CEP89: variants seen among roughly 807,000 people sequenced by gnomAD.
CEP89 encodes centrosomal protein 89.
Under a neutral mutation model 97.6 loss-of-function variants are expected in CEP89, and 95 were observed. The ratio of observed to expected loss-of-function variants is 0.97; its 90% CI spans 0.82 to 1.15. The LOEUF (loss-of-function observed/expected upper bound fraction) is 1.15. CEP89 is among the 50% of genes most tolerant of loss of function. The pLI is 0.00. For missense variants in CEP89, 869 were observed against 947.7 expected (o/e 0.92, Z 1.09); for synonymous variants, 354 against 349.1 (o/e 1.01, Z -0.16).
intron 10 of CEP89, 83 bp downstream of exon 10, chr19:32,926,851 C>A: frequency 8.2e-7 from 1 of 1,220,316 alleles, no homozygotes; most frequent in South Asian, 1.3e-5. Flanking sequence ...CATGAGCCAC[C>A]GCGCCTGGCC....
chr19:32,922,966 C>A (rs1021828891), intron 12 of CEP89, among the ~76,000 whole-genome samples: 13 of 152,160 alleles, frequency 8.5e-5, no homozygotes, highest in Admixed American at 8.5e-4. Flanking sequence ...GCAGAAGGGG[C>A]TTTCGGAGGA....
In CEP89 at chr19:32,933,592, C is replaced by A. The variant is rs1207022593; in HGVS notation, c.745G>T (p.Asp249Tyr). 1 of 1,612,910 alleles carries A rather than the reference C, an allele frequency of 6.2e-7. No individual in the cohort carries two copies. The highest frequency in any genetic ancestry group is 8.5e-7 in the Non-Finnish European group (1 of 1,179,036). The change falls in exon 8 of 19, where the codon GAC (aspartate) becomes TAC (tyrosine). Residue 249 changes from aspartate to tyrosine, a missense_variant. Physicochemically the swap from Asp to Tyr is radical, Grantham distance 160. Coordinates refer to ENST00000305768, the MANE Select transcript of CEP89 (RefSeq NM_032816.5). ...KFEALKEENM[D>Y]LNNMNQSLTL... ...AGGCTTTGATTCATATTGTTTAGGT[C>A]CATATTTTCTTCTTTTAATGCCTCA...
chr19:32,928,511 A>T (rs1179283845), intron 9 of CEP89, among the ~76,000 whole-genome samples: 2 of 152,006 alleles, frequency 1.3e-5, no homozygotes, highest in Non-Finnish European at 2.9e-5. Context: ...CATACATCTC[A>T]GGCACGGCCC....
Position 32,881,880 on chromosome 19 carries a change from T to C in CEP89, c.2099A>G (p.Lys700Arg). 6.2e-7 allele frequency: 1 copy of C among 1,606,312 alleles called. No homozygotes were observed. The highest frequency in any genetic ancestry group is 2.2e-5 in the East Asian group (1 of 44,842). The change falls in exon 18 of 19, where the codon AAG becomes AGG. Residue 700 changes from lysine (K) to arginine (R), a missense_variant. By Grantham distance (26) the Lys-to-Arg change is conservative. Coordinates refer to ENST00000305768, the MANE Select transcript of CEP89 (RefSeq NM_032816.5). Reference sequence around the variant, plus strand: ...CAGCGCCTGGTCCAGCACCTCCTGCTTGTCCTTCAGCACCTGGTGCAGGTG... The same window carrying C: ...CAGCGCCTGGTCCAGCACCTCCTGCCTGTCCTTCAGCACCTGGTGCAGGTG... ...MRHLHQVLKDKQEVLDQALQQ... is the reference protein window; with the variant it reads ...MRHLHQVLKDRQEVLDQALQQ...
rs553504602 is a variant in CEP89 at position 32,931,316 on chromosome 19, G to C, written c.1029+113C>G. On this transcript the variant is annotated intron_variant, in intron 9 of 18. Coordinates refer to ENST00000305768, the MANE Select transcript of CEP89 (RefSeq NM_032816.5). ...CCTTAGAAACATTGTGCCTTGGACAGAGCTTTTCTTACATCAAATTATAAT... is the reference window on the plus strand; with the variant it reads ...CCTTAGAAACATTGTGCCTTGGACACAGCTTTTCTTACATCAAATTATAAT... 10 of 977,744 alleles carry C rather than the reference G, an allele frequency of 1.0e-5. No homozygotes were observed. The Admixed American group carries it at 2.1e-4, about 21-fold the overall frequency. 60.6% of individuals were successfully genotyped at this position (977,744 alleles called of 1,614,324 possible). A position where few individuals can be genotyped will look rare whatever the true frequency, so the allele number is the denominator to read the frequency against.
chr19:32,918,266 GCTGAAT>G lies in CEP89; in HGVS notation c.1336_1341del (p.Ile446_Gln447del). On this transcript the variant is annotated inframe_deletion, in exon 13 of 19. Transcript: ENST00000305768. ...TGGTGGCTGTCCTTGGCTTTCCTTT[GCTGAAT>G]CTCCAACTGCTCCAGCAACAACTTG... The G allele has an allele frequency of 6.2e-7, 1 of 1,614,150 alleles. No homozygotes were observed. Among genetic ancestry groups the G allele is most frequent in the Non-Finnish European group, 8.5e-7 (1 of 1,180,030 alleles).
intron 16 of CEP89, among the ~76,000 whole-genome samples, chr19:32,896,635 A>C (rs1969647654): frequency 6.6e-6 from 1 of 152,192 alleles, no homozygotes; most frequent in South Asian, 2.1e-4. Flanking sequence ...TAAACTAAAA[A>C]GCTTCTGTAC....
intron 3 of CEP89, among the ~76,000 whole-genome samples, chr19:32,956,923 C>T (rs1024355057): frequency 1.3e-5 from 2 of 152,030 alleles, no homozygotes; most frequent in African/African-American, 4.8e-5. Context: ...AGAGTATAGT[C>T]CTTCATTCAT....
intron 16 of CEP89, among the ~76,000 whole-genome samples, chr19:32,895,150 A>G (rs1290414992): frequency 6.6e-6 from 1 of 152,198 alleles, no homozygotes; most frequent in African/African-American, 2.4e-5. Context: ...CCTGCTACCA[A>G]AACCAGACAA....
At chr19:32,964,318 T>A (rs1034707219) in intron 2 of CEP89, among the ~76,000 whole-genome samples, 21 of 151,818 alleles carry the variant, frequency 1.4e-4, no homozygotes, top group African/African-American at 2.4e-4. Flanking sequence ...ACTACAGGAG[T>A]GCACCACCAC....
At chr19:32,894,480 A>G (rs1176698218) in intron 16 of CEP89, among the ~76,000 whole-genome samples, 1 of 152,194 alleles carries the variant, frequency 6.6e-6, no homozygotes, top group East Asian at 1.9e-4. Context: ...ATCAACACCA[A>G]AAGCCCAAGA....
chr19:32,912,635 C>A (rs1970025384), intron 14 of CEP89, among the ~76,000 whole-genome samples: 1 of 152,204 alleles, frequency 6.6e-6, no homozygotes, highest in Non-Finnish European at 1.5e-5. Flanking sequence ...GAAACACTTA[C>A]AATCTCATCT....
At chr19:32,941,789 G>T (rs1970691955) in intron 5 of CEP89, among the ~76,000 whole-genome samples, 1 of 152,056 alleles carries the variant, frequency 6.6e-6, no homozygotes, top group Non-Finnish European at 1.5e-5. Flanking sequence ...CCAGACTACG[G>T]TTTGCAATCT....
In CEP89 at chr19:32,966,341, C is replaced by T. The variant is rs1234480530; in HGVS notation, c.146+19G>A. On this transcript the variant is annotated intron_variant, in intron 2 of 18. Coordinates refer to ENST00000305768, the MANE Select transcript of CEP89 (RefSeq NM_032816.5). ...CTGAGCACAGGGGTGACCTCAGTGC[C>T]TGCTCATCTGATACTCACCTTGGTC... 4.2e-6 allele frequency: 6 copies of T among 1,442,576 alleles called. No homozygotes were observed. In the East Asian group the frequency reaches 1.0e-4, roughly 25 times the overall value. The allele number at this position is 1,442,576 out of a possible 1,614,324, so 89.4% of individuals were successfully genotyped here.
At chr19:32,906,359 T>A (rs1969887412) in intron 14 of CEP89, among the ~76,000 whole-genome samples, 1 of 152,236 alleles carries the variant, frequency 6.6e-6, no homozygotes, top group African/African-American at 2.4e-5. Flanking sequence ...AGAAATTTCA[T>A]CATGCATATT....
chr19:32,929,741 T>G (rs1459498745), intron 9 of CEP89, among the ~76,000 whole-genome samples: 1 of 152,208 alleles, frequency 6.6e-6, no homozygotes, highest in Non-Finnish European at 1.5e-5. Context: ...GCCCGCCCCA[T>G]GGTCCTGCAG....
At chr19:32,881,795 C>A in intron 18 of CEP89, 49 bp downstream of exon 18, 2 of 1,523,648 alleles carry the variant, frequency 1.3e-6, no homozygotes, top group South Asian at 1.2e-5. Context: ...AACCCTCAAT[C>A]AGACATTCAG....
At chr19:32,913,771 T>C (rs1970063539) in intron 14 of CEP89, among the ~76,000 whole-genome samples, 1 of 151,850 alleles carries the variant, frequency 6.6e-6, no homozygotes, top group African/African-American at 2.4e-5. Flanking sequence ...CCCGAGTAGC[T>C]GGGATTACAG....
rs576825223 is a variant in CEP89, at chr19:32,932,192, A to G, written c.887-621T>C. ...GGAGACTCCATCTCACAAAAAAAAA[A>G]AAAGAAAGAGAAAAATCATATAGAA... On this transcript the variant is annotated intron_variant, in intron 8 of 18. Coordinates refer to ENST00000305768, the MANE Select transcript of CEP89 (RefSeq NM_032816.5). 2.0e-3 allele frequency among the ~76,000 whole-genome samples: 302 copies of G among 152,046 alleles called. 1 individual carries two copies. Among genetic ancestry groups the G allele is most frequent in the Non-Finnish European group, 3.3e-3 (227 of 67,966 alleles).
Sources: allele counts gnomAD v4.1 joint callset (sites outside exome capture counted in the v4.1 genomes callset), GRCh38; gene constraint gnomAD v4.1.1; transcripts MANE v1.5; gene names NCBI Gene and HGNC (gene_info 2026-07-23, HGNC 2026-07-21).